ZNF488: variants seen among roughly 807,000 people sequenced by gnomAD.
The protein encoded by ZNF488 is zinc finger protein 488.
In ZNF488, 1 loss-of-function variant was observed where a neutral mutation model predicts 1.2. The ratio of observed to expected loss-of-function variants is 0.86; its 90% CI spans 0.30 to 4.07. ZNF488 has a LOEUF of 4.07. ZNF488 is among the 30% of genes most tolerant of loss of function. The probability of loss-of-function intolerance (pLI) is 0.18; values close to 1 mark genes in which losing one functional copy is unlikely to be tolerated. For synonymous variants in ZNF488, 185 were observed against 190.1 expected (o/e 0.97, Z 0.22); for missense variants, 450 against 437.9 (o/e 1.03, Z -0.25).
At position 47,368,884 on chromosome 10, in the gene ZNF488, T is replaced by C; in HGVS notation, c.-55A>G. 2.0e-6 allele frequency: 3 copies of C among 1,529,704 alleles called. No homozygotes were observed. The highest frequency in any genetic ancestry group is 2.3e-5 in the East Asian group (1 of 44,274). The allele number at this position is 1,529,704 out of a possible 1,614,324, so 94.8% of individuals were successfully genotyped here. On this transcript the variant is annotated 5_prime_UTR_variant, in exon 2 of 2. An upstream start codon of the reference 5' UTR is lost. Transcript: ENST00000585316. ...GAGGGCTTGGCCCAGCAAGGAGCCA[T>C]GAGATATGGAAGCTCCCCATGACAC... is the stretch of plus-strand genomic sequence containing the variant.
rs117943662 is a variant in ZNF488, at chr10:47,370,539, C to T, written c.-108-1602G>A. On this transcript the variant is annotated intron_variant, in intron 1 of 1. Coordinates refer to ENST00000585316, the MANE Select transcript of ZNF488 (RefSeq NM_153034.4). ...AACTCTGAAAGTACTCTCCCTCAGG[C>T]GCTGGACTAACAACAGTCTGACCAT... Among the ~76,000 whole-genome samples the T allele has an allele frequency of 4.8e-4, 73 of 152,298 alleles. No homozygotes were observed. In the East Asian group the frequency reaches 7.7e-3, roughly 16 times the overall value.
At chr10:47,376,437 T>C (rs1345756267) in intron 1 of ZNF488, among the ~76,000 whole-genome samples, 1 of 152,066 alleles carries the variant, frequency 6.6e-6, no homozygotes, top group Non-Finnish European at 1.5e-5. Context: ...CTAAGCCAGG[T>C]CAGACCCAAT....
At chr10:47,369,680 C>T (rs555887674) in intron 1 of ZNF488, among the ~76,000 whole-genome samples, 1 of 152,278 alleles carries the variant, frequency 6.6e-6, no homozygotes, top group African/African-American at 2.4e-5. Flanking sequence ...TCCCCCAACT[C>T]CCAAGTACAT....
chr10:47,368,821 C>T lies in ZNF488; in HGVS notation c.9G>A (p.Glu3=). The change falls in exon 2 of 2, where the codon GAG becomes GAA. Residue 3 remains glutamate, a synonymous_variant. Coordinates refer to ENST00000585316, the MANE Select transcript of ZNF488 (RefSeq NM_153034.4). The part of the protein sequence containing the change: MP[E]WPPCLSVAPA... ...GGGCCACAGATAAGCAAGGTGGCCACTCTGGCATTCATCAGTCTTTGGGGG... is the reference window on the plus strand; with the variant it reads ...GGGCCACAGATAAGCAAGGTGGCCATTCTGGCATTCATCAGTCTTTGGGGG... 1.3e-6 allele frequency: 2 copies of T among 1,586,584 alleles called. No homozygotes were observed. The highest frequency in any genetic ancestry group is 1.3e-5 in the African/African-American group (1 of 74,506).
At chr10:47,374,072 C>T (rs1375341258) in intron 1 of ZNF488, among the ~76,000 whole-genome samples, 3 of 152,166 alleles carry the variant, frequency 2.0e-5, no homozygotes, top group African/African-American at 7.2e-5. Flanking sequence ...CTAAGATGCT[C>T]GGGTATGAGT....
chr10:47,369,857 A>G (rs538936442), intron 1 of ZNF488, among the ~76,000 whole-genome samples: 1 of 152,294 alleles, frequency 6.6e-6, no homozygotes, highest in Admixed American at 6.5e-5. Context: ...GTGCAACATT[A>G]TATTTACTTG....
chr10:47,375,259 G>A (rs1232107217), intron 1 of ZNF488, among the ~76,000 whole-genome samples: 3 of 152,184 alleles, frequency 2.0e-5, no homozygotes, highest in East Asian at 3.9e-4. Context: ...TAAAAACACA[G>A]GCAATACATA....
chr10:47,367,597 A>T lies in ZNF488; in HGVS notation c.*210T>A. On this transcript the variant is annotated 3_prime_UTR_variant, in exon 2 of 2. Coordinates refer to ENST00000585316, the MANE Select transcript of ZNF488 (RefSeq NM_153034.4). Reference sequence around the variant, plus strand: ...TTAGGGCCTCTACCCTGGATTTGCAAAGCCCATCACTTTATTTCAGGACTT... The same window carrying T: ...TTAGGGCCTCTACCCTGGATTTGCATAGCCCATCACTTTATTTCAGGACTT... 1.6e-6 allele frequency: 1 copy of T among 642,794 alleles called. No homozygotes were observed. Among genetic ancestry groups the T allele is most frequent in the African/African-American group, 1.8e-5 (1 of 54,446 alleles). The allele number at this position is 642,794 out of a possible 1,614,324, so 39.8% of individuals were successfully genotyped here. A position where few individuals can be genotyped will look rare whatever the true frequency, so the allele number is the denominator to read the frequency against.
At position 47,373,742 on chromosome 10, in the gene ZNF488, C is replaced by A. The variant is rs373692963; in HGVS notation, c.-108-4805G>T. ...TCTCCAAGCCCAAGATGGAGAGAGG[C>A]AAAGTCTTCCATAGACGGAACATCA... is the stretch of plus-strand genomic sequence containing the variant. On this transcript the variant is annotated intron_variant, in intron 1 of 1. Transcript: ENST00000585316. Among the ~76,000 whole-genome samples the A allele has an allele frequency of 3.9e-5, 6 of 152,192 alleles. No homozygotes were observed. In the East Asian group the frequency reaches 1.2e-3, roughly 29 times the overall value.
chr10:47,367,937 TG>T lies in ZNF488; in HGVS notation c.892del (p.His298ThrfsTer39). On this transcript the variant is annotated frameshift_variant, in exon 2 of 2. Coordinates refer to ENST00000585316, the MANE Select transcript of ZNF488 (RefSeq NM_153034.4). LOFTEE classifies it low-confidence loss of function (END_TRUNC). ...SDLVFHMRSH[H>X]KKEHAGPDPH... ...GTCAGGCCCCGCATGCTCCTTTTTG[TG>T]GTGGGATCGCATGTGAAAGACCAGG... 6.2e-7 allele frequency: 1 copy of T among 1,614,066 alleles called. No homozygotes were observed. The highest frequency in any genetic ancestry group is 8.5e-7 in the Non-Finnish European group (1 of 1,180,016).
chr10:47,376,952 A>T (rs12570893), intron 1 of ZNF488, among the ~76,000 whole-genome samples: 14,164 of 152,286 alleles, frequency 0.093, 705 homozygotes, highest in South Asian at 0.12. Flanking sequence ...AGCTGCTCAC[A>T]CCAAAACACC....
At chr10:47,376,710 C>T (rs1199523952) in intron 1 of ZNF488, among the ~76,000 whole-genome samples, 1 of 152,214 alleles carries the variant, frequency 6.6e-6, no homozygotes, top group Non-Finnish European at 1.5e-5. Flanking sequence ...CCACCAGATC[C>T]AGCAGAATGG....
In ZNF488 at chr10:47,373,564, G is replaced by A. The variant is rs1414183883; in HGVS notation, c.-108-4627C>T. On this transcript the variant is annotated intron_variant, in intron 1 of 1. Transcript: ENST00000585316. ...TAAATAGGATAATAATATCTAGAAG[G>A]AGGCTCCCACCTCACCCGGCCCATG... is the stretch of plus-strand genomic sequence containing the variant. 2.0e-5 allele frequency among the ~76,000 whole-genome samples: 3 copies of A among 152,154 alleles called. No homozygotes were observed. The South Asian group carries it at 6.2e-4, about 32-fold the overall frequency.
At position 47,366,927 on chromosome 10, in the gene ZNF488, G is replaced by A. The variant is rs978959917; in HGVS notation, c.*880C>T. ...CCAATTCCTCACCCTCCTGTGGAGGGGATGGATGGTCACTCCCTTGTCACA... is the reference window on the plus strand; with the variant it reads ...CCAATTCCTCACCCTCCTGTGGAGGAGATGGATGGTCACTCCCTTGTCACA... On this transcript the variant is annotated 3_prime_UTR_variant, in exon 2 of 2. Coordinates refer to ENST00000585316, the MANE Select transcript of ZNF488 (RefSeq NM_153034.4). 6 of 166,954 alleles carry A rather than the reference G, an allele frequency of 3.6e-5. No homozygotes were observed. Among genetic ancestry groups the A allele is most frequent in the Admixed American group, 1.3e-4 (2 of 15,268 alleles). The allele number at this position is 166,954 out of a possible 1,614,324, so 10.3% of individuals were successfully genotyped here. A position where few individuals can be genotyped will look rare whatever the true frequency, so the allele number is the denominator to read the frequency against.
intron 1 of ZNF488, 62 bp from the exon 2 acceptor site, chr10:47,368,999 A>G: frequency 1.3e-6 from 1 of 741,572 alleles, no homozygotes; most frequent in Non-Finnish European, 2.1e-6. Flanking sequence ...ACAGTGCATC[A>G]TGAGCTGGCA....
intron 1 of ZNF488, among the ~76,000 whole-genome samples, chr10:47,381,584 G>A (rs782136502): frequency 4.6e-5 from 7 of 152,388 alleles, no homozygotes; most frequent in South Asian, 2.1e-4. Context: ...TACAGGCTCT[G>A]TGGCCAGCTA....
Position 47,368,789 on chromosome 10 carries a change from A to G in ZNF488, c.41T>C (p.Leu14Pro), listed in dbSNP as rs1173826636. Residue 14 changes from leucine to proline, a missense_variant, in exon 2 of 2, where the codon CTG becomes CCG. Transcript: ENST00000585316. ...CTTCCCAGCTGCCATGGTGATCACC[A>G]GGGCCGGGGCCACAGATAAGCAAGG... ...WPPCLSVAPA[L>P]VITMAAGKGA... 1.2e-6 allele frequency: 2 copies of G among 1,607,316 alleles called. No individual in the cohort carries two copies. The highest frequency in any genetic ancestry group is 3.4e-5 in the Admixed American group (2 of 59,506).
chr10:47,376,753 G>A (rs782656227), intron 1 of ZNF488, among the ~76,000 whole-genome samples: 4 of 152,190 alleles, frequency 2.6e-5, no homozygotes, highest in African/African-American at 4.8e-5. Context: ...ACTGGTTCCC[G>A]TGCAGACACC....
rs967485309 is a variant in ZNF488 at position 47,367,228 on chromosome 10, A to C, written c.*579T>G. The C allele has an allele frequency of 1.0e-4, 17 of 167,598 alleles. No homozygotes were observed. The highest frequency in any genetic ancestry group is 9.1e-4 in the Admixed American group (14 of 15,320). 10.4% of individuals were successfully genotyped at this position (167,598 alleles called of 1,614,324 possible). A position where few individuals can be genotyped will look rare whatever the true frequency, so the allele number is the denominator to read the frequency against. On this transcript the variant is annotated 3_prime_UTR_variant, in exon 2 of 2. Transcript: ENST00000585316. ...CAGCTTAACCTGAGCCAACCCACAG[A>C]CTCACGACTTAGGCAGATGCTTTAG...
Sources: gnomAD v4.1 joint callset for allele counts (sites outside exome capture counted in the v4.1 genomes callset) on GRCh38, gnomAD v4.1.1 for gene constraint, MANE v1.5 for transcripts, NCBI Gene and HGNC (gene_info 2026-07-23, HGNC 2026-07-21) for gene names.